KAT5: variants seen among roughly 807,000 people sequenced by gnomAD.
KAT5 encodes the protein histone acetyltransferase KAT5.
In KAT5, 31 loss-of-function variants were observed where a neutral mutation model predicts 68.1. That is an observed-to-expected ratio of 0.46 (90% CI 0.34 to 0.61). KAT5 has a LOEUF of 0.61. KAT5 is among the 20% of genes least tolerant of loss of function. The pLI is 0.01. For synonymous variants in KAT5, 365 were observed against 292.6 expected (o/e 1.25, Z -2.52); for missense variants, 451 against 725.5 (o/e 0.62, Z 4.35).
At chr11:65,714,462 T>C (rs1441277200) in intron 6 of KAT5, 33 bp from the exon 7 acceptor site, 1 of 1,607,508 alleles carries the variant, frequency 6.2e-7, no homozygotes, top group East Asian at 2.2e-5. Context: ...AGCTGTCTCT[T>C]ACAACCTGGT....
At chr11:65,715,042 G>T in intron 8 of KAT5, 132 bp downstream of exon 8, 3 of 757,714 alleles carry the variant, frequency 4.0e-6, no homozygotes, top group Non-Finnish European at 6.8e-6. Flanking sequence ...TGTCTGGCAG[G>T]TGCTGGTAGC....
intron 6 of KAT5, chr11:65,714,269 TG>T: frequency 3.4e-6 from 2 of 590,102 alleles, no homozygotes; most frequent in South Asian, 2.1e-5. Context: ...CCCTCCAGCC[TG>T]GGCGACAGAC....
Position 65,713,827 on chromosome 11 carries a change from G to A in KAT5, c.669G>A (p.Ser223=), listed in dbSNP as rs201879725. ...VAAQPGRKRK[S]NCLGTDEDSQ... ...CCCAGCCAGGACGGAAGCGAAAATCGAATTGTTTGGGCACTGATGAGGTGG... is the reference window on the plus strand; with the variant it reads ...CCCAGCCAGGACGGAAGCGAAAATCAAATTGTTTGGGCACTGATGAGGTGG... Residue 223 remains serine (S), a synonymous_variant, in exon 6 of 13, where the codon TCG becomes TCA. Coordinates refer to ENST00000341318, the MANE Select transcript of KAT5 (RefSeq NM_182710.3). 383 of 1,590,034 alleles carry A rather than the reference G, an allele frequency of 2.4e-4. No individual in the cohort carries two copies. Among genetic ancestry groups the A allele is most frequent in the Non-Finnish European group, 3.1e-4 (360 of 1,167,852 alleles).
In KAT5 at chr11:65,714,864, G is replaced by T. The variant is rs1186589698; in HGVS notation, c.983G>T (p.Arg328Leu). 6.2e-7 allele frequency: 1 copy of T among 1,614,062 alleles called. No individual in the cohort carries two copies. Among genetic ancestry groups the T allele is most frequent in the Non-Finnish European group, 8.5e-7 (1 of 1,180,038 alleles). Residue 328 changes from arginine (R) to leucine (L), a missense_variant, in exon 8 of 13, where the codon CGC (arginine) becomes CTC (leucine). This residue lies in a region of KAT5 where 210 missense variants were observed against 423.7 expected (regional missense o/e 0.50). Transcript: ENST00000341318. ...CATCCTCCAGGCAATGAGATTTACC[G>T]CAAGGGCACCATCTCCTTCTTTGAG... ...LRHPPGNEIY[R>L]KGTISFFEID... is the part of the protein sequence containing the mutation.
At chr11:65,712,685 T>TG in intron 1 of KAT5, 81 bp from the exon 2 acceptor site, 1 of 1,520,138 alleles carries the variant, frequency 6.6e-7, no homozygotes, top group South Asian at 1.1e-5. Flanking sequence ...GGATCCGGCC[T>TG]GGGGGTGGAG....
At position 65,717,153 on chromosome 11, in the gene KAT5, G is replaced by A. The variant is rs1218988459; in HGVS notation, c.1264+171G>A. 3 of 621,674 alleles carry A rather than the reference G, an allele frequency of 4.8e-6. No homozygotes were observed. In the East Asian group the frequency reaches 8.2e-5, roughly 17 times the overall value. 38.5% of individuals were successfully genotyped at this position (621,674 alleles called of 1,614,324 possible). On this transcript the variant is annotated intron_variant, in intron 10 of 12. Transcript: ENST00000341318. Reference sequence around the variant, plus strand: ...GGGGTTCTCTCCGTTCAGGCTGACTGCCCTGCTTATCTGGGGTAGGTTCTC... The same window carrying A: ...GGGGTTCTCTCCGTTCAGGCTGACTACCCTGCTTATCTGGGGTAGGTTCTC...
rs141373536 is a variant in KAT5 at position 65,713,419 on chromosome 11, C to G, written c.456C>G (p.Pro152=). ...AGATCACACTCCGCTTCAACCTGCC[C>G]AAGGAGCGGGAGGCCATTCCCGGTG... ...PVQITLRFNL[P]KEREAIPGGE... Residue 152 remains proline (P), a synonymous_variant, in exon 4 of 13, where the codon CCC becomes CCG. Transcript: ENST00000341318. 2.5e-6 allele frequency: 4 copies of G among 1,614,112 alleles called. No homozygotes were observed. Among genetic ancestry groups the G allele is most frequent in the Non-Finnish European group, 3.4e-6 (4 of 1,180,008 alleles).
chr11:65,713,942 A>G, intron 6 of KAT5, 94 bp downstream of exon 6: 3 of 1,162,796 alleles, frequency 2.6e-6, no homozygotes, highest in Non-Finnish European at 2.5e-6. Flanking sequence ...AAAATAAAGA[A>G]GGGGTGGTGG....
chr11:65,716,549 A>G (rs2135636674), intron 8 of KAT5, 118 bp from the exon 9 acceptor site: 1 of 959,302 alleles, frequency 1.0e-6, no homozygotes, highest in Non-Finnish European at 1.6e-6. Flanking sequence ...AGGGAAGAAC[A>G]CTCATCACCT....
In KAT5 at chr11:65,714,533, A is replaced by G; in HGVS notation, c.729A>G (p.Pro243=). Residue 243 remains proline, a synonymous_variant, in exon 7 of 13, where the codon CCA becomes CCG. Coordinates refer to ENST00000341318, the MANE Select transcript of KAT5 (RefSeq NM_182710.3). ...QDSSDGIPSA[P]RMTGSLVSDR... ...GCTCTGATGGAATACCGTCAGCACC[A>G]CGCATGACTGGCAGCCTGGTGTCTG... The G allele has an allele frequency of 6.2e-7, 1 of 1,614,164 alleles. No homozygotes were observed.
chr11:65,712,293 C>A lies in KAT5; in HGVS notation c.26C>A (p.Pro9His). ...ATGGCGGAGGTGGTGAGTCCGGTGCCCGGGGCGGGGCGGAGGGAGCCAGGG... is the reference window on the plus strand; with the variant it reads ...ATGGCGGAGGTGGTGAGTCCGGTGCACGGGGCGGGGCGGAGGGAGCCAGGG... The part of the protein sequence containing the change: MAEVVSPV[P>H]GAGRREPGEV... The change falls in exon 1 of 13, where the codon CCC becomes CAC. Residue 9 changes from proline (P) to histidine (H), a missense_variant. This residue lies in a region of KAT5 where 104 missense variants were observed against 107.3 expected (regional missense o/e 0.97). Transcript: ENST00000341318. 1 of 1,446,292 alleles carries A rather than the reference C, an allele frequency of 6.9e-7. No homozygotes were observed. Among genetic ancestry groups the A allele is most frequent in the South Asian group, 1.5e-5 (1 of 67,624 alleles). The allele number at this position is 1,446,292 out of a possible 1,614,324, so 89.6% of individuals were successfully genotyped here. A position where few individuals can be genotyped will look rare whatever the true frequency, so the allele number is the denominator to read the frequency against.
chr11:65,713,327 A>G (rs755056037), intron 3 of KAT5, 21 bp from the exon 4 acceptor site: 2 of 1,612,800 alleles, frequency 1.2e-6, no homozygotes, highest in Non-Finnish European at 1.7e-6. Context: ...CCAAAGGAAG[A>G]CCCTGGACCT....
At chr11:65,713,091 C>T in intron 3 of KAT5, 33 bp downstream of exon 3, 2 of 1,611,102 alleles carry the variant, frequency 1.2e-6, no homozygotes, top group Non-Finnish European at 1.7e-6. Context: ...CTTTTCTCTC[C>T]TGCCTCCTAT....
At chr11:65,718,524 GTT>G (rs1857283739) in intron 10 of KAT5, 64 bp from the exon 11 acceptor site, 2 of 1,546,916 alleles carry the variant, frequency 1.3e-6, no homozygotes, top group African/African-American at 2.7e-5. Flanking sequence ...GGCAACCTGT[GTT>G]TTTAAATGTT....
intron 1 of KAT5, 138 bp from the exon 2 acceptor site, chr11:65,712,628 C>A: frequency 1.6e-6 from 2 of 1,237,546 alleles, no homozygotes; most frequent in Non-Finnish European, 2.3e-6. Context: ...AGGGGTGGCA[C>A]TTGTGACTGA....
intron 10 of KAT5, chr11:65,717,573 C>T (rs1325658824): frequency 6.3e-6 from 1 of 159,900 alleles, no homozygotes; most frequent in Admixed American, 5.8e-5. Context: ...TTCTGTCTGT[C>T]TCACCACTCA....
chr11:65,718,593 A>G lies in KAT5; in HGVS notation c.1268A>G (p.Tyr423Cys). 6.2e-7 allele frequency: 1 copy of G among 1,614,102 alleles called. No homozygotes were observed. Among genetic ancestry groups the G allele is most frequent in the Non-Finnish European group, 8.5e-7 (1 of 1,179,970 alleles). ...GYGKLLIEFS[Y>C]ELSKVEGKTG... The stretch of plus-strand genomic sequence containing the variant: ...CTCTCCTGCTCCATTGCTTTAGGCT[A>G]TGAACTCTCCAAAGTGGAAGGGAAA... The change falls in exon 11 of 13, where the codon TAT (tyrosine) becomes TGT (cysteine). Residue 423 changes from tyrosine (Y) to cysteine (C), a missense_variant. Physicochemically the swap from Tyr to Cys is radical, Grantham distance 194. Around this residue, in one of 4 missense-constraint regions of KAT5, gnomAD observed 210 missense variants for 423.7 expected, o/e 0.50. Coordinates refer to ENST00000341318, the MANE Select transcript of KAT5 (RefSeq NM_182710.3).
Position 65,714,853 on chromosome 11 carries a change from T to C in KAT5, c.972T>C (p.Asn324=), listed in dbSNP as rs1403414337. The change falls in exon 8 of 13, where the codon AAT becomes AAC. Residue 324 remains asparagine, a synonymous_variant. Coordinates refer to ENST00000341318, the MANE Select transcript of KAT5 (RefSeq NM_182710.3). ...TKCDLRHPPG[N]EIYRKGTISF... ...GTGACCTACGACATCCTCCAGGCAA[T>C]GAGATTTACCGCAAGGGCACCATCT... 1.9e-6 allele frequency: 3 copies of C among 1,613,982 alleles called. No individual in the cohort carries two copies. The highest frequency in any genetic ancestry group is 1.7e-5 in the Admixed American group (1 of 60,030).
intron 1 of KAT5, 61 bp downstream of exon 1, chr11:65,712,506 A>C: frequency 3.9e-6 from 6 of 1,546,992 alleles, no homozygotes; most frequent in Non-Finnish European, 5.2e-6. Flanking sequence ...AGTCAACTGA[A>C]ATCCCGGGAT....
Sources: gnomAD v4.1 joint callset for allele counts on GRCh38, gnomAD v4.1.1 for gene constraint, gnomAD v4.1.1 regional missense constraint, MANE v1.5 for transcripts, NCBI Gene and HGNC (gene_info 2026-07-23, HGNC 2026-07-21) for gene names.